Variants in NRDE2 observed in about 807,000 individuals in gnomAD.
NRDE2 encodes the protein nuclear exosome regulator NRDE2.
A neutral mutation model predicts 124.2 loss-of-function variants in NRDE2; 76 were observed. That is an observed-to-expected ratio of 0.61 (90% CI 0.51 to 0.74). The LOEUF is 0.74. NRDE2 is among the 30% of genes least tolerant of loss of function. The pLI is 0.00. For missense variants in NRDE2, 1,314 were observed against 1,417.3 expected, an observed-to-expected ratio of 0.93 and a Z score of 1.17; for synonymous variants, 489 against 528.1, an observed-to-expected ratio of 0.93 and a Z score of 1.01.
intron 4 of NRDE2, among the ~76,000 whole-genome samples, chr14:90,310,850 C>G (rs755942480): frequency 6.6e-6 from 1 of 152,190 alleles, no homozygotes; most frequent in South Asian, 2.1e-4. Flanking sequence ...GGGGTAGTAC[C>G]CTGTGGTGGC....
At chr14:90,330,960 C>G (rs1043994487) in intron 1 of NRDE2, among the ~76,000 whole-genome samples, 3 of 151,688 alleles carry the variant, frequency 2.0e-5, no homozygotes, top group Non-Finnish European at 4.4e-5. Flanking sequence ...AGACAAGGTC[C>G]CCCCACCCCA....
At chr14:90,295,396 C>T (rs1254648675) in intron 8 of NRDE2, among the ~76,000 whole-genome samples, 2 of 152,196 alleles carry the variant, frequency 1.3e-5, no homozygotes, top group Middle Eastern at 3.4e-3. Context: ...CACCAATATT[C>T]TGCCTAAATG....
chr14:90,294,463 T>C (rs1405244054), intron 8 of NRDE2, among the ~76,000 whole-genome samples: 4 of 152,112 alleles, frequency 2.6e-5, no homozygotes, highest in African/African-American at 7.2e-5. Context: ...AAAATGTGCA[T>C]TGACAAATGG....
intron 1 of NRDE2, among the ~76,000 whole-genome samples, chr14:90,318,610 G>A (rs932487390): frequency 6.6e-6 from 1 of 152,070 alleles, no homozygotes; most frequent in Non-Finnish European, 1.5e-5. Context: ...CACCAGCCTG[G>A]CCAACACGGT....
Position 90,278,176 on chromosome 14 carries a change from T to C in NRDE2, c.*160A>G. 2.7e-6 allele frequency: 2 copies of C among 734,288 alleles called. No individual in the cohort carries two copies. The highest frequency in any genetic ancestry group is 4.4e-6 in the Non-Finnish European group (2 of 452,496). 45.5% of individuals were successfully genotyped at this position (734,288 alleles called of 1,614,324 possible). Reference sequence around the variant, plus strand: ...TTGTGTCATTTACACACCCAAAAAGTGTGCAAGATGTGAGAGGCTGGCAGC... The same window carrying C: ...TTGTGTCATTTACACACCCAAAAAGCGTGCAAGATGTGAGAGGCTGGCAGC... On this transcript the variant is annotated 3_prime_UTR_variant, in exon 14 of 14. Transcript: ENST00000354366.
Position 90,274,788 on chromosome 14 carries a change from A to G in NRDE2, c.*3548T>C, listed in dbSNP as rs1363260606. The G allele has an allele frequency of 3.3e-3, 4 of 1,218 alleles. No individual in the cohort carries two copies. Among genetic ancestry groups the G allele is most frequent in the African/African-American group, 0.027 (4 of 150 alleles). 0.1% of individuals were successfully genotyped at this position (1,218 alleles called of 1,614,324 possible). ...AGTATAGCCCTTTAAATAGGGAACT[A>G]CACACACACACACACACACACACAC... On this transcript the variant is annotated 3_prime_UTR_variant, in exon 14 of 14. Coordinates refer to ENST00000354366, the MANE Select transcript of NRDE2 (RefSeq NM_017970.4).
chr14:90,268,708 G>T lies in NRDE2; in HGVS notation c.*9628C>A. The T allele has an allele frequency of 3.4e-6, 1 of 291,700 alleles. No individual in the cohort carries two copies. The highest frequency in any genetic ancestry group is 6.3e-6 in the Non-Finnish European group (1 of 158,354). The allele number at this position is 291,700 out of a possible 1,614,324, so 18.1% of individuals were successfully genotyped here. ...GTGAGCACAAGTCTCTGCCCTGGAG[G>T]AGCTCACAGGTTGTAGGGATCAGAT... On this transcript the variant is annotated 3_prime_UTR_variant, in exon 14 of 14. Coordinates refer to ENST00000354366, the MANE Select transcript of NRDE2 (RefSeq NM_017970.4).
chr14:90,309,263 GATGA>G (rs2139697867), intron 4 of NRDE2, among the ~76,000 whole-genome samples: 1 of 150,930 alleles, frequency 6.6e-6, no homozygotes, highest in African/African-American at 2.4e-5. Context: ...AGGCAATCAA[GATGA>G]ATGCAGGCTG....
intron 8 of NRDE2, among the ~76,000 whole-genome samples, chr14:90,294,413 T>C (rs1375547171): frequency 6.6e-6 from 1 of 152,054 alleles, no homozygotes; most frequent in Non-Finnish European, 1.5e-5. Context: ...CCCATGTTCA[T>C]AGCAGCATTA....
rs73316782 is a variant in NRDE2, at chr14:90,276,149, C to A, written c.*2187G>T. On this transcript the variant is annotated 3_prime_UTR_variant, in exon 14 of 14. Coordinates refer to ENST00000354366, the MANE Select transcript of NRDE2 (RefSeq NM_017970.4). ...GGAACCCCCTTCTCAGCCCTCCAAG[C>A]TGACGGTTAGTCTTGGGAGGCACGT... The A allele has an allele frequency of 0.13, 19,866 of 151,540 alleles. 1,503 individuals are homozygous for A. The highest frequency in any genetic ancestry group is 0.21 in the East Asian group (1,086 of 5,140). The allele number at this position is 151,540 out of a possible 1,614,324, so 9.4% of individuals were successfully genotyped here.
intron 12 of NRDE2, 48 bp from the exon 13 acceptor site, chr14:90,279,181 G>A (rs1306837860): frequency 1.4e-6 from 2 of 1,447,558 alleles, no homozygotes; most frequent in Non-Finnish European, 1.9e-6. Flanking sequence ...GACACAGAGA[G>A]GCTAAGGCTA....
chr14:90,278,390 C>T lies in NRDE2; in HGVS notation c.3441G>A (p.Lys1147=), dbSNP rs1891857265. The change falls in exon 14 of 14, where the codon AAG becomes AAA. Residue 1147 remains lysine (K), a synonymous_variant. Coordinates refer to ENST00000354366, the MANE Select transcript of NRDE2 (RefSeq NM_017970.4). ...MQEILDLMTE[K]ELRVRLPLEE... is the part of the protein sequence containing the mutation. Reference sequence around the variant, plus strand: ...CCAGCGGCAGGCGCACCCGGAGCTCCTTCTCAGTCATCAGGTCCAGGATCT... The same window carrying T: ...CCAGCGGCAGGCGCACCCGGAGCTCTTTCTCAGTCATCAGGTCCAGGATCT... The T allele has an allele frequency of 6.2e-7, 1 of 1,614,158 alleles. No individual in the cohort carries two copies. The highest frequency in any genetic ancestry group is 2.2e-5 in the East Asian group (1 of 44,880).
In NRDE2 at chr14:90,277,204, C is replaced by T; in HGVS notation, c.*1132G>A. The T allele has an allele frequency of 6.6e-6, 1 of 152,358 alleles. No homozygotes were observed. The highest frequency in any genetic ancestry group is 1.5e-5 in the Non-Finnish European group (1 of 68,104). The allele number at this position is 152,358 out of a possible 1,614,324, so 9.4% of individuals were successfully genotyped here. ...CTGGGCTGGCCAGTTTCCCACCGTG[C>T]CCTGGGAGGTGCTCTCGTGCGCTGC... is the stretch of plus-strand genomic sequence containing the variant. On this transcript the variant is annotated 3_prime_UTR_variant, in exon 14 of 14. Transcript: ENST00000354366.
intron 1 of NRDE2, among the ~76,000 whole-genome samples, chr14:90,324,806 G>A (rs1481482696): frequency 6.6e-6 from 1 of 152,096 alleles, no homozygotes; most frequent in Non-Finnish European, 1.5e-5. Context: ...CATTTGAACA[G>A]CACTAACTTC....
In NRDE2 at chr14:90,274,817, CACACACACACACACACACA is replaced by C. The variant is rs1891762633; in HGVS notation, c.*3500_*3518del. The C allele has an allele frequency of 2.4e-5, 2 of 84,436 alleles. No individual in the cohort carries two copies. Among genetic ancestry groups the C allele is most frequent in the Non-Finnish European group, 4.8e-5 (2 of 41,798 alleles). 5.2% of individuals were successfully genotyped at this position (84,436 alleles called of 1,614,324 possible). ...ACACACACACACACACACACACACA[CACACACACACACACACACA>C]CACCCCAATACATATGAATTGATCT... On this transcript the variant is annotated 3_prime_UTR_variant, in exon 14 of 14. Transcript: ENST00000354366.
intron 12 of NRDE2, among the ~76,000 whole-genome samples, chr14:90,284,810 T>C (rs1172544529): frequency 6.6e-6 from 1 of 152,166 alleles, no homozygotes; most frequent in Admixed American, 6.5e-5. Context: ...TGTGTTACAA[T>C]AAACGAGGCC....
intron 4 of NRDE2, among the ~76,000 whole-genome samples, chr14:90,310,057 AT>A (rs1884769559): frequency 6.6e-6 from 1 of 152,192 alleles, no homozygotes; most frequent in South Asian, 2.1e-4. Flanking sequence ...TTCCAATTCC[AT>A]ATCAAATATT....
chr14:90,295,039 A>G (rs1884092747), intron 8 of NRDE2, among the ~76,000 whole-genome samples: 2 of 152,192 alleles, frequency 1.3e-5, no homozygotes, highest in South Asian at 4.1e-4. Flanking sequence ...GTGATTACAC[A>G]AAGCTACACA....
intron 1 of NRDE2, among the ~76,000 whole-genome samples, chr14:90,329,043 CTG>C (rs1885564942): frequency 1.3e-5 from 2 of 152,264 alleles, no homozygotes; most frequent in South Asian, 4.1e-4. Flanking sequence ...AGAGATGATG[CTG>C]TGTTTATATT....
Sources: allele counts gnomAD v4.1 joint callset (sites outside exome capture counted in the v4.1 genomes callset), GRCh38; gene constraint gnomAD v4.1.1; transcripts MANE v1.5; gene names NCBI Gene and HGNC (gene_info 2026-07-23, HGNC 2026-07-21).